PLEKHA5: variants seen among roughly 807,000 people sequenced by gnomAD.
The protein encoded by PLEKHA5 is pleckstrin homology domain containing A5.
Under a neutral mutation model 181.9 loss-of-function variants are expected in PLEKHA5, and 55 were observed. The observed-to-expected ratio is 0.30, with a 90% confidence interval of 0.24 to 0.38. The LOEUF (loss-of-function observed/expected upper bound fraction) is 0.38, where lower values mean the gene tolerates loss of function less well. Among genes scored for constraint, PLEKHA5 ranks in the 10% least tolerant of loss-of-function variants. PLEKHA5 has a pLI of 1.00. For synonymous variants in PLEKHA5, 535 were observed against 529.4 expected (o/e 1.01, Z -0.15); for missense variants, 1,432 against 1,549.5 (o/e 0.92, Z 1.27).
rs190162089 is a variant in PLEKHA5 at position 19,204,191 on chromosome 12, C to T, written c.228-49749C>T. Among the ~76,000 whole-genome samples, 19 of 151,912 alleles carry T rather than the reference C, an allele frequency of 1.3e-4. No individual in the cohort carries two copies. The East Asian group carries it at 3.3e-3, about 26-fold the overall frequency. On this transcript the variant is annotated intron_variant, in intron 3 of 31. Transcript: ENST00000429027. The stretch of plus-strand genomic sequence containing the variant: ...GACATTTATATAGAAGGGTGATTTA[C>T]AATAGGGAAGTAATAGAGGTGACCA...
Position 19,254,018 on chromosome 12 carries a change from T to G in PLEKHA5, c.306T>G (p.Asn102Lys), listed in dbSNP as rs1162707177. ...AGGACAATTGTATTTTTGTAGTGAATGAACAGTAAGTAAAGAGTTTCATGG... is the reference window on the plus strand; with the variant it reads ...AGGACAATTGTATTTTTGTAGTGAAGGAACAGTAAGTAAAGAGTTTCATGG... ...PSQDNCIFVV[N>K]EQTVATMTSE... The change falls in exon 4 of 32, where the codon AAT becomes AAG. Residue 102 changes from asparagine to lysine, a missense_variant. Asn to Lys is a moderately conservative substitution (Grantham distance 94). Coordinates refer to ENST00000429027, the MANE Select transcript of PLEKHA5 (RefSeq NM_001256470.2). The G allele has an allele frequency of 6.3e-7, 1 of 1,580,970 alleles. No individual in the cohort carries two copies. Among genetic ancestry groups the G allele is most frequent in the African/African-American group, 1.4e-5 (1 of 74,064 alleles).
intron 3 of PLEKHA5, among the ~76,000 whole-genome samples, chr12:19,232,521 A>T (rs915338344): frequency 8.5e-5 from 13 of 152,294 alleles, no homozygotes; most frequent in Non-Finnish European, 8.8e-5. Flanking sequence ...CGTCATTGAT[A>T]ACTTGAAAAC....
chr12:19,346,348 A>C (rs2094331495), intron 23 of PLEKHA5, among the ~76,000 whole-genome samples: 1 of 152,064 alleles, frequency 6.6e-6, no homozygotes, highest in Admixed American at 6.6e-5. Flanking sequence ...TCCTCTCTTA[A>C]AAATTGGGGG....
At chr12:19,369,963 A>G (rs975774033) in intron 31 of PLEKHA5, among the ~76,000 whole-genome samples, 165 bp downstream of exon 31, 3 of 152,256 alleles carry the variant, frequency 2.0e-5, no homozygotes, top group South Asian at 2.1e-4. Flanking sequence ...ACAGATTGCT[A>G]ACATTGGCTC....
At chr12:19,248,398 A>G (rs1451868529) in intron 3 of PLEKHA5, among the ~76,000 whole-genome samples, 1 of 152,098 alleles carries the variant, frequency 6.6e-6, no homozygotes, top group Non-Finnish European at 1.5e-5. Flanking sequence ...GGGTTTCGCC[A>G]TGTTGTCCAG....
At chr12:19,284,361 G>T (rs2076794920) in intron 12 of PLEKHA5, among the ~76,000 whole-genome samples, 3 of 152,126 alleles carry the variant, frequency 2.0e-5, no homozygotes, top group African/African-American at 7.2e-5. Flanking sequence ...GAGCCACTGT[G>T]CCTGGCCTAG....
At chr12:19,317,103 A>G (rs1045203505) in intron 16 of PLEKHA5, among the ~76,000 whole-genome samples, 2 of 152,184 alleles carry the variant, frequency 1.3e-5, no homozygotes, top group Admixed American at 6.5e-5. Flanking sequence ...GAGGTGGCTT[A>G]TGCCTGTAAT....
At chr12:19,216,524 G>C (rs952500307) in intron 3 of PLEKHA5, among the ~76,000 whole-genome samples, 2 of 152,038 alleles carry the variant, frequency 1.3e-5, no homozygotes, top group Non-Finnish European at 1.5e-5. Context: ...TTAGCCAGGC[G>C]TGGTAGCAGG....
In PLEKHA5 at chr12:19,143,599, G is replaced by T. The variant is rs573821626; in HGVS notation, c.227+11149G>T. On this transcript the variant is annotated intron_variant, in intron 3 of 31. Coordinates refer to ENST00000429027, the MANE Select transcript of PLEKHA5 (RefSeq NM_001256470.2). ...ACATAATTATATATGCAGCATAGAT[G>T]CATGTATTATATGTAATTATATGTG... Among the ~76,000 whole-genome samples the T allele has an allele frequency of 7.9e-5, 12 of 152,106 alleles. No individual in the cohort carries two copies. In the South Asian group the frequency reaches 1.5e-3, roughly 18 times the overall value.
chr12:19,375,410 G>A (rs1176740898), intron 31 of PLEKHA5, 121 bp from the exon 32 acceptor site: 1 of 152,184 alleles, frequency 6.6e-6, no homozygotes. Flanking sequence ...TGTATTTTAG[G>A]ATTTTCATGG....
intron 15 of PLEKHA5, among the ~76,000 whole-genome samples, chr12:19,311,425 A>G (rs2086491668): frequency 1.3e-5 from 2 of 151,660 alleles, no homozygotes; most frequent in Non-Finnish European, 2.9e-5. Flanking sequence ...TCTGGGCAAC[A>G]GAGCAAAACT....
At chr12:19,257,641 A>T (rs1335238618) in intron 6 of PLEKHA5, 104 bp downstream of exon 6, 2 of 685,290 alleles carry the variant, frequency 2.9e-6, no homozygotes, top group Non-Finnish European at 5.0e-6. Context: ...TTAAGAAGGA[A>T]CTATGGAGAA....
chr12:19,253,299 G>A (rs960714464), intron 3 of PLEKHA5, among the ~76,000 whole-genome samples: 1 of 150,430 alleles, frequency 6.6e-6, no homozygotes, highest in Non-Finnish European at 1.5e-5. Context: ...GGTCTTGAAC[G>A]CCTGACCTCA....
chr12:19,322,661 C>T lies in PLEKHA5; in HGVS notation c.2442C>T (p.Ala814=). ...LLSTCRELSR[A]TAELERAWRE... The stretch of plus-strand genomic sequence containing the variant: ...GTACGTGTCGAGAACTTTCTCGAGC[C>T]ACTGCCGTAAGTAGATTTTTTTTTT... The change falls in exon 20 of 32, where the codon GCC becomes GCT. Residue 814 remains alanine, a synonymous_variant. Transcript: ENST00000429027. 6.2e-7 allele frequency: 1 copy of T among 1,610,238 alleles called. No homozygotes were observed. The highest frequency in any genetic ancestry group is 1.1e-5 in the South Asian group (1 of 89,862).
At chr12:19,216,399 A>G (rs1009092696) in intron 3 of PLEKHA5, among the ~76,000 whole-genome samples, 1 of 152,234 alleles carries the variant, frequency 6.6e-6, no homozygotes, top group Non-Finnish European at 1.5e-5. Context: ...ACAGTGGCTC[A>G]TGCCTGTAAT....
At position 19,264,582 on chromosome 12, in the gene PLEKHA5, G is replaced by A. The variant is rs145659276; in HGVS notation, c.611-1168G>A. Among the ~76,000 whole-genome samples the A allele has an allele frequency of 3.6e-3, 544 of 152,070 alleles. 2 individuals are homozygous for A. Among genetic ancestry groups the A allele is most frequent in the African/African-American group, 0.012 (510 of 41,484 alleles). On this transcript the variant is annotated intron_variant, in intron 7 of 31. Transcript: ENST00000429027. The stretch of plus-strand genomic sequence containing the variant: ...CCTTTTGGACTAAATCTGTACTTCC[G>A]TTCATCCTTTTACGCATTAACGAAT...
At chr12:19,329,462 C>T (rs2092625812) in intron 20 of PLEKHA5, among the ~76,000 whole-genome samples, 1 of 152,080 alleles carries the variant, frequency 6.6e-6, no homozygotes, top group Non-Finnish European at 1.5e-5. Context: ...CCATCTGATC[C>T]GTGCCTTTTT....
intron 15 of PLEKHA5, among the ~76,000 whole-genome samples, chr12:19,305,241 G>C (rs2082880136): frequency 6.6e-6 from 1 of 152,102 alleles, no homozygotes; most frequent in Non-Finnish European, 1.5e-5. Context: ...ATAATTCAGT[G>C]GTTTTTGATG....
chr12:19,314,993 T>C, intron 16 of PLEKHA5, 99 bp downstream of exon 16: 1 of 693,896 alleles, frequency 1.4e-6, no homozygotes, highest in Non-Finnish European at 2.6e-6. Flanking sequence ...CATCAGTGTT[T>C]TTCTTATTTT....
Sources: gnomAD v4.1 joint callset for allele counts (sites outside exome capture counted in the v4.1 genomes callset) on GRCh38, gnomAD v4.1.1 for gene constraint, MANE v1.5 for transcripts, NCBI Gene and HGNC (gene_info 2026-07-23, HGNC 2026-07-21) for gene names.